The following FADS2 variants were observed in gnomAD, a reference collection of about 807,000 sequenced individuals.
FADS2 encodes acyl-CoA 6-desaturase.
FADS2 carries 18 observed loss-of-function variants against 61.2 expected under a neutral mutation model. That is an observed-to-expected ratio of 0.29 (90% CI 0.20 to 0.44). FADS2 has a LOEUF of 0.44. Among genes scored for constraint, FADS2 ranks in the 20% least tolerant of loss-of-function variants. The pLI, the probability that FADS2 is intolerant of heterozygous loss-of-function variation, is 1.00. For missense variants in FADS2, 322 were observed against 572.7 expected, an observed-to-expected ratio of 0.56 and a Z score of 4.47; for synonymous variants, 203 against 223.9, an observed-to-expected ratio of 0.91 and a Z score of 0.83.
intron 1 of FADS2, among the ~76,000 whole-genome samples, chr11:61,831,891 C>T (rs963448506): frequency 6.6e-6 from 1 of 152,202 alleles, no homozygotes; most frequent in Non-Finnish European, 1.5e-5. Flanking sequence ...GGAACCCTCA[C>T]CCGCGCCCTA....
intron 5 of FADS2, chr11:61,854,843 C>T: frequency 6.6e-6 from 1 of 152,284 alleles, no homozygotes; most frequent in Non-Finnish European, 1.5e-5. Flanking sequence ...CATGTACATA[C>T]ACGTGCGTGA....
At chr11:61,840,555 C>T (rs761046306) in intron 3 of FADS2, 24 bp downstream of exon 3, 1 of 1,613,626 alleles carries the variant, frequency 6.2e-7, no homozygotes, top group Non-Finnish European at 8.5e-7. Flanking sequence ...CCCTCACTTC[C>T]CCTAGCTGAC....
chr11:61,858,641 A>G (rs1422911327), intron 7 of FADS2, among the ~76,000 whole-genome samples: 1 of 151,316 alleles, frequency 6.6e-6, no homozygotes, highest in Non-Finnish European at 1.5e-5. Context: ...GCTGGAGTGC[A>G]GTGGTGCGAT....
chr11:61,848,397 G>T, intron 5 of FADS2, 113 bp downstream of exon 5: 1 of 1,534,182 alleles, frequency 6.5e-7, no homozygotes, highest in Non-Finnish European at 8.9e-7. Flanking sequence ...TGGCCTGGGC[G>T]AATGGCAGCC....
At chr11:61,824,433 AGGGAGGGAGGGAGGGAGGGAGG>A (rs1280194350), upstream of FADS2, among the ~76,000 whole-genome samples, 131 of 6,146 alleles carry the variant, frequency 0.021, 12 homozygotes, top group African/African-American at 0.033. Context: ...AGAGAGAGAG[AGGGAGGGAGGGAGGGAGGGAGG>A]GAGGGAGAGA....
chr11:61,841,348 C>T (rs1325646529), intron 4 of FADS2, among the ~76,000 whole-genome samples: 1 of 152,006 alleles, frequency 6.6e-6, no homozygotes, highest in African/African-American at 2.4e-5. Context: ...CCGCATCCGG[C>T]CTGTAGCATC....
Position 61,816,916 on chromosome 11 carries a change from G to A in FADS2, c.141+490G>A. 7.1e-7 allele frequency: 1 copy of A among 1,403,958 alleles called. No homozygotes were observed. Among genetic ancestry groups the A allele is most frequent in the Non-Finnish European group, 9.2e-7 (1 of 1,090,476 alleles). 87.0% of individuals were successfully genotyped at this position (1,403,958 alleles called of 1,614,324 possible). A position where few individuals can be genotyped will look rare whatever the true frequency, so the allele number is the denominator to read the frequency against. ...GCAGGGCAGACCGGCGGGCCTCGCA[G>A]CGCGCGTTCCCATTGGCCGAGCCTC... On this transcript the variant is annotated intron_variant, in intron 1 of 11. Coordinates refer to the FADS2 transcript ENST00000257261. This position sits in a 1 kb window ranked among gnomAD's most constrained non-coding sequence, Gnocchi z 7.0.
intron 5 of FADS2, 44 bp downstream of exon 5, chr11:61,848,328 G>A: frequency 6.2e-7 from 1 of 1,610,126 alleles, no homozygotes; most frequent in South Asian, 1.1e-5. Flanking sequence ...TGTTTGTCCT[G>A]GGCGAATGGC....
intron 7 of FADS2, among the ~76,000 whole-genome samples, chr11:61,859,703 A>G (rs900467565): frequency 2.9e-5 from 4 of 137,644 alleles, no homozygotes; most frequent in African/African-American, 1.2e-4. Context: ...TAAGTGGCCT[A>G]TTGCCGGGCG....
rs1200096175 is a variant in FADS2 at position 61,816,799 on chromosome 11, G to T, written c.141+373G>T. 2.0e-6 allele frequency: 3 copies of T among 1,501,824 alleles called. No homozygotes were observed. In the East Asian group the frequency reaches 7.8e-5, roughly 39 times the overall value. 93.0% of individuals were successfully genotyped at this position (1,501,824 alleles called of 1,614,324 possible). A position where few individuals can be genotyped will look rare whatever the true frequency, so the allele number is the denominator to read the frequency against. ...GCCGCGCGCCGGGCCAGCAGGGGCTGTCAGGCGCGTGCTCGGGGTCCGCGG... is the reference window on the plus strand; with the variant it reads ...GCCGCGCGCCGGGCCAGCAGGGGCTTTCAGGCGCGTGCTCGGGGTCCGCGG... On this transcript the variant is annotated intron_variant, in intron 1 of 11. Transcript: ENST00000257261. This position sits in a 1 kb window ranked among gnomAD's most constrained non-coding sequence, Gnocchi z 7.0.
At chr11:61,852,345 C>T (rs2067314139) in intron 5 of FADS2, among the ~76,000 whole-genome samples, 1 of 152,220 alleles carries the variant, frequency 6.6e-6, no homozygotes, top group African/African-American at 2.4e-5. Context: ...ACTGCAGCCT[C>T]AACCTCCTGG....
chr11:61,823,736 C>G (rs1423585870), upstream of FADS2, among the ~76,000 whole-genome samples: 1 of 152,134 alleles, frequency 6.6e-6, no homozygotes, highest in Admixed American at 6.6e-5. Context: ...AGGCTGGTCT[C>G]AAACTCCTGG....
At chr11:61,822,960 A>G (rs1439136400) in intron 1 of FADS2, among the ~76,000 whole-genome samples, 1 of 152,264 alleles carries the variant, frequency 6.6e-6, no homozygotes, top group East Asian at 1.9e-4. Flanking sequence ...TTAGTGGATC[A>G]GGTAATAACA....
rs1367478454 is a variant in FADS2, at chr11:61,816,727, G to T, written c.141+301G>T. 4 of 1,559,614 alleles carry T rather than the reference G, an allele frequency of 2.6e-6. No individual in the cohort carries two copies. Among genetic ancestry groups the T allele is most frequent in the Non-Finnish European group, 3.5e-6 (4 of 1,152,984 alleles). ...GTAGCGCGGGGTAGGTCCCTGAGCC[G>T]CGGTCTCGGCGGCCACCGGGTCGGG... On this transcript the variant is annotated intron_variant, in intron 1 of 11. Transcript: ENST00000257261. The surrounding 1 kb of genome is among the most constrained non-coding windows in gnomAD (Gnocchi z 7.0).
chr11:61,841,851 A>G (rs17156426), intron 4 of FADS2, among the ~76,000 whole-genome samples: 9,833 of 152,266 alleles, frequency 0.065, 410 homozygotes, highest in African/African-American at 0.11. Context: ...GACAAAAGTC[A>G]TTAGAAGTGC....
upstream of FADS2, among the ~76,000 whole-genome samples, chr11:61,824,467 A>G (rs1363380508): frequency 3.5e-3 from 23 of 6,598 alleles, no homozygotes; most frequent in Non-Finnish European, 4.2e-3. Flanking sequence ...AGGGAGAGAG[A>G]GAGAGAGAGA....
At position 61,865,517 on chromosome 11, in the gene FADS2, A is replaced by G; in HGVS notation, c.1284-121A>G. The stretch of plus-strand genomic sequence containing the variant: ...GCCCCACAGGCCCAGTGGCAGTGGT[A>G]AGCCCTGGTTAGGGCCAAGGGGACA... On this transcript the variant is annotated intron_variant, in intron 11 of 11. Transcript: ENST00000278840. The surrounding 1 kb of genome is among the most constrained non-coding windows in gnomAD (Gnocchi z 4.1). 7 of 1,024,018 alleles carry G rather than the reference A, an allele frequency of 6.8e-6. No individual in the cohort carries two copies. Among genetic ancestry groups the G allele is most frequent in the Non-Finnish European group, 1.0e-5 (7 of 680,488 alleles). 63.4% of individuals were successfully genotyped at this position (1,024,018 alleles called of 1,614,324 possible).
intron 1 of FADS2, among the ~76,000 whole-genome samples, chr11:61,820,672 G>A (rs1409154115): frequency 1.3e-5 from 2 of 152,050 alleles, no homozygotes; most frequent in Non-Finnish European, 2.9e-5. Context: ...GGGTGAGGAG[G>A]GCGGATCACC....
chr11:61,863,958 TCCC>T, intron 10 of FADS2, 172 bp downstream of exon 10: 1 of 601,296 alleles, frequency 1.7e-6, no homozygotes, highest in Middle Eastern at 4.4e-4. Context: ...GGAGAGGGGC[TCCC>T]CTATTCCATC....
Sources: gnomAD v4.1 joint callset for allele counts (sites outside exome capture counted in the v4.1 genomes callset) on GRCh38, gnomAD v4.1.1 for gene constraint, Gnocchi (gnomAD v3.1) non-coding constraint, MANE v1.5 for transcripts, NCBI Gene and HGNC (gene_info 2026-07-23, HGNC 2026-07-21) for gene names.